PLD5: variants seen among roughly 807,000 people sequenced by gnomAD.
PLD5 encodes the protein inactive phospholipase D5.
Under a neutral mutation model 61.1 loss-of-function variants are expected in PLD5, and 36 were observed. The ratio of observed to expected loss-of-function variants is 0.59; its 90% confidence interval spans 0.45 to 0.78. The LOEUF is 0.78. PLD5 is among the 30% of genes least tolerant of loss of function. The pLI, the probability that PLD5 is intolerant of heterozygous loss-of-function variation, is 0.00. For synonymous variants in PLD5, 243 were observed against 242.8 expected (o/e 1.00, Z -0.01); for missense variants, 515 against 644.4 (o/e 0.80, Z 2.17).
intron 2 of PLD5, among the ~76,000 whole-genome samples, chr1:242,322,740 G>A (rs1658499716): frequency 6.6e-6 from 1 of 152,168 alleles, no homozygotes; most frequent in Non-Finnish European, 1.5e-5. Context: ...TGCCATGTAA[G>A]ACATGCCTTG....
At chr1:242,091,924 T>A (rs368104995) in intron 9 of PLD5, among the ~76,000 whole-genome samples, 1 of 150,676 alleles carries the variant, frequency 6.6e-6, no homozygotes, top group African/African-American at 2.4e-5. Context: ...GCCTCCTGGG[T>A]TCAAGCAATT....
intron 7 of PLD5, among the ~76,000 whole-genome samples, chr1:242,110,133 T>C (rs1474988089): frequency 6.6e-6 from 1 of 150,764 alleles, no homozygotes; most frequent in African/African-American, 2.4e-5. Flanking sequence ...CCTTTAGAGG[T>C]GCAATGATCA....
At chr1:242,351,923 T>C (rs1307024303) in intron 1 of PLD5, among the ~76,000 whole-genome samples, 1 of 152,188 alleles carries the variant, frequency 6.6e-6, no homozygotes, top group African/African-American at 2.4e-5. Context: ...TCATCCCTTA[T>C]TCCTCACTAA....
intron 5 of PLD5, among the ~76,000 whole-genome samples, chr1:242,215,236 T>G (rs1294286357): frequency 6.6e-6 from 1 of 152,078 alleles, no homozygotes. Context: ...CCACAAAAAT[T>G]AAAACTGATA....
rs368193800 is a variant in PLD5 at position 242,148,533 on chromosome 1, GA to G, written c.736-23869del. Among the ~76,000 whole-genome samples, 392 of 151,942 alleles carry G rather than the reference GA, an allele frequency of 2.6e-3. 1 individual carries two copies. Among genetic ancestry groups the G allele is most frequent in the African/African-American group, 8.3e-3 (346 of 41,484 alleles). ...TCAATTTTTGTGAAAGTCCTGAGGG[GA>G]TTTTAGTTGGAATTGCATTGAACCT... On this transcript the variant is annotated intron_variant, in intron 5 of 9. Coordinates refer to ENST00000536534, the MANE Select transcript of PLD5 (RefSeq NM_001372062.1).
intron 1 of PLD5, among the ~76,000 whole-genome samples, chr1:242,363,454 TAAAA>T (rs201808284): frequency 8.4e-6 from 1 of 118,938 alleles, no homozygotes; most frequent in Non-Finnish European, 1.8e-5. Flanking sequence ...CCTGTCTCTT[TAAAA>T]AAAAAAAAAA....
chr1:242,315,571 T>C (rs879545983), intron 2 of PLD5, among the ~76,000 whole-genome samples: 1 of 152,170 alleles, frequency 6.6e-6, no homozygotes, highest in Non-Finnish European at 1.5e-5. Flanking sequence ...TGAATTGAAA[T>C]AATAATGCAG....
At chr1:242,440,393 C>G (rs1338743687) in intron 1 of PLD5, among the ~76,000 whole-genome samples, 1 of 152,156 alleles carries the variant, frequency 6.6e-6, no homozygotes, top group Non-Finnish European at 1.5e-5. Flanking sequence ...CCTTAGAATG[C>G]TGGGTGGTGC....
At chr1:242,281,728 G>C (rs1674729652) in intron 3 of PLD5, among the ~76,000 whole-genome samples, 1 of 152,088 alleles carries the variant, frequency 6.6e-6, no homozygotes, top group Non-Finnish European at 1.5e-5. Flanking sequence ...TGGATGGTGA[G>C]GGGGTGAACA....
intron 1 of PLD5, among the ~76,000 whole-genome samples, chr1:242,515,347 G>C (rs537219685): frequency 6.6e-6 from 1 of 152,128 alleles, no homozygotes; most frequent in Admixed American, 6.6e-5. Context: ...CAACTAGCTC[G>C]GATTACAGGC....
chr1:242,213,040 A>G (rs1424031376), intron 5 of PLD5, among the ~76,000 whole-genome samples: 1 of 152,132 alleles, frequency 6.6e-6, no homozygotes, highest in African/African-American at 2.4e-5. Flanking sequence ...GTAAATGGAG[A>G]CTTTTGCATG....
chr1:242,509,307 A>C (rs548946596), intron 1 of PLD5, among the ~76,000 whole-genome samples: 25 of 152,218 alleles, frequency 1.6e-4, no homozygotes, highest in African/African-American at 5.3e-4. Flanking sequence ...TGAACCCAGG[A>C]GGTGGAGGTT....
intron 2 of PLD5, among the ~76,000 whole-genome samples, chr1:242,305,325 T>C (rs1676287377): frequency 6.6e-6 from 1 of 152,228 alleles, no homozygotes; most frequent in Non-Finnish European, 1.5e-5. Flanking sequence ...TTTCTGCAAC[T>C]GTAGTTATTG....
intron 5 of PLD5, among the ~76,000 whole-genome samples, chr1:242,167,392 C>T (rs116224513): frequency 0.018 from 2,794 of 152,186 alleles, 89 homozygotes; most frequent in African/African-American, 0.063. Context: ...AGAGCATGTG[C>T]GGGGGAACTG....
At chr1:242,398,348 C>T (rs1014242557) in intron 1 of PLD5, among the ~76,000 whole-genome samples, 1 of 152,104 alleles carries the variant, frequency 6.6e-6, no homozygotes, top group African/African-American at 2.4e-5. Context: ...GCTGTTCAAT[C>T]AAAAATCTTG....
chr1:242,382,034 G>A (rs1572021193), intron 1 of PLD5, among the ~76,000 whole-genome samples: 1 of 151,686 alleles, frequency 6.6e-6, no homozygotes, highest in African/African-American at 2.4e-5. Context: ...GGTAGCCGAC[G>A]CATTGGCTGT....
chr1:242,092,909 G>A (rs1253815343), intron 9 of PLD5, among the ~76,000 whole-genome samples: 1 of 152,012 alleles, frequency 6.6e-6, no homozygotes, highest in Non-Finnish European at 1.5e-5. Flanking sequence ...TTATTCCTCA[G>A]AGCCTAAGAA....
At chr1:242,110,884 G>C (rs1661432291) in intron 7 of PLD5, among the ~76,000 whole-genome samples, 3 of 151,996 alleles carry the variant, frequency 2.0e-5, no homozygotes, top group Non-Finnish European at 4.4e-5. Context: ...AGGCTAATCA[G>C]GCTACATTTT....
chr1:242,222,875 A>T (rs1240599763), intron 4 of PLD5, among the ~76,000 whole-genome samples: 1 of 152,246 alleles, frequency 6.6e-6, no homozygotes, highest in South Asian at 2.1e-4. Context: ...GAAAAGTATC[A>T]TTCCTTTGAC....
Sources: allele counts gnomAD v4.1 joint callset (sites outside exome capture counted in the v4.1 genomes callset), GRCh38; gene constraint gnomAD v4.1.1; transcripts MANE v1.5; gene names NCBI Gene and HGNC (gene_info 2026-07-23, HGNC 2026-07-21).